The following B4GALT6 variants were observed in gnomAD, a reference collection of about 807,000 sequenced individuals.
The protein encoded by B4GALT6 is beta-1,4-galactosyltransferase 6.
B4GALT6 carries 14 observed loss-of-function variants against 46.3 expected under a neutral mutation model. The observed-to-expected ratio is 0.30, with a 90% CI of 0.20 to 0.47. The LOEUF (loss-of-function observed/expected upper bound fraction) is 0.47, where lower values mean the gene tolerates loss of function less well. Among genes scored for constraint, B4GALT6 ranks in the 20% least tolerant of loss-of-function variants. B4GALT6 has a pLI of 0.99. For missense variants in B4GALT6, 386 were observed against 480.1 expected (o/e 0.80, Z 1.83); for synonymous variants, 168 against 162.0 (o/e 1.04, Z -0.28).
Position 31,684,359 on chromosome 18 carries a change from G to A in B4GALT6, c.68C>T (p.Ser23Phe), listed in dbSNP as rs748057535. 1.2e-6 allele frequency: 2 copies of A among 1,613,758 alleles called. No homozygotes were observed. Among genetic ancestry groups the A allele is most frequent in the South Asian group, 2.2e-5 (2 of 91,056 alleles). ...RSLLAFIFFF[S>F]LSSSCLYFIY... is the part of the protein sequence containing the mutation. The stretch of plus-strand genomic sequence containing the variant: ...GAAGTACAGACAGGACGAAGAGAGG[G>A]AGAAGAAGAAGATGAAGGCGAGGAG... The change falls in exon 1 of 9, where the codon TCC becomes TTC. Residue 23 changes from serine (S) to phenylalanine (F), a missense_variant. Physicochemically the swap from Ser to Phe is radical, Grantham distance 155. Coordinates refer to ENST00000306851, the MANE Select transcript of B4GALT6 (RefSeq NM_004775.5).
intron 6 of B4GALT6, among the ~76,000 whole-genome samples, chr18:31,629,287 G>C (rs1197260740): frequency 6.6e-6 from 1 of 151,744 alleles, no homozygotes; most frequent in East Asian, 1.9e-4. Context: ...CGGTGGCTGG[G>C]GGAGGTGGTC....
chr18:31,649,720 C>CAATA (rs1269256147), intron 3 of B4GALT6, among the ~76,000 whole-genome samples: 1 of 151,762 alleles, frequency 6.6e-6, no homozygotes, highest in Non-Finnish European at 1.5e-5. Flanking sequence ...CATCAAATAC[C>CAATA]AATAGGAAAA....
chr18:31,662,468 G>C (rs959620812), intron 2 of B4GALT6, among the ~76,000 whole-genome samples: 9 of 152,122 alleles, frequency 5.9e-5, no homozygotes, highest in Non-Finnish European at 1.5e-5. Context: ...CAACATAGTA[G>C]GAACATACTA....
the B4GALT6 span, among the ~76,000 whole-genome samples, chr18:31,719,559 C>T: frequency 6.6e-6 from 1 of 152,150 alleles, no homozygotes; most frequent in Non-Finnish European, 1.5e-5. Flanking sequence ...CTAGACAGAG[C>T]CAATTTACCA....
chr18:31,693,337 T>C, the B4GALT6 span, among the ~76,000 whole-genome samples: 4 of 152,192 alleles, frequency 2.6e-5, no homozygotes, highest in African/African-American at 9.7e-5. Context: ...GAACATATGA[T>C]GGCACTCAGT....
intron 1 of B4GALT6, among the ~76,000 whole-genome samples, chr18:31,683,628 A>G (rs2074506912): frequency 6.6e-6 from 1 of 152,202 alleles, no homozygotes; most frequent in Non-Finnish European, 1.5e-5. Flanking sequence ...ACCGGTTAAC[A>G]TTTTAAACTA....
intron 1 of B4GALT6, among the ~76,000 whole-genome samples, chr18:31,679,303 A>G (rs1329576257): frequency 6.6e-6 from 1 of 152,200 alleles, no homozygotes; most frequent in Non-Finnish European, 1.5e-5. Flanking sequence ...AATATTGCCT[A>G]ATTTCCCACA....
chr18:31,640,772 C>T (rs1467419017), intron 4 of B4GALT6, among the ~76,000 whole-genome samples: 3 of 152,198 alleles, frequency 2.0e-5, no homozygotes, highest in Admixed American at 6.5e-5. Context: ...GCCAACTGTA[C>T]TGGAACTATA....
the B4GALT6 span, among the ~76,000 whole-genome samples, chr18:31,702,858 C>T: frequency 1.3e-5 from 2 of 152,054 alleles, no homozygotes; most frequent in African/African-American, 2.4e-5. Context: ...AAGGAAAGGT[C>T]AAGAGTGGAT....
chr18:31,686,514 T>C (rs1217818141), upstream of B4GALT6: 2 of 152,232 alleles, frequency 1.3e-5, no homozygotes, highest in African/African-American at 2.4e-5. Flanking sequence ...AGGTTCCTTA[T>C]ATCCCATTAG....
chr18:31,717,167 G>A, the B4GALT6 span, among the ~76,000 whole-genome samples: 1 of 151,940 alleles, frequency 6.6e-6, no homozygotes, highest in Non-Finnish European at 1.5e-5. Flanking sequence ...GCAAAAAATG[G>A]AAATAATCCA....
chr18:31,637,138 T>C (rs1377359908), intron 5 of B4GALT6, among the ~76,000 whole-genome samples: 1 of 152,256 alleles, frequency 6.6e-6, no homozygotes, highest in Non-Finnish European at 1.5e-5. Flanking sequence ...ATATTTACAC[T>C]TTATAGCCTT....
chr18:31,708,627 C>G, the B4GALT6 span, among the ~76,000 whole-genome samples: 1 of 151,828 alleles, frequency 6.6e-6, no homozygotes, highest in African/African-American at 2.4e-5. Flanking sequence ...ATATTGACAC[C>G]TGAAAATAGA....
At position 31,666,244 on chromosome 18, in the gene B4GALT6, A is replaced by C. The variant is rs9973109; in HGVS notation, c.232+12T>G. On this transcript the variant is annotated intron_variant, in intron 2 of 8. Coordinates refer to ENST00000306851, the MANE Select transcript of B4GALT6 (RefSeq NM_004775.5). ...TTGTAACTACAAGGGGTTAAGCAGG[A>C]AGTAGTCTTACCTGTACCGTTGAGC... The C allele has an allele frequency of 6.2e-3, 9,085 of 1,466,232 alleles. 21 individuals are homozygous for C. Among genetic ancestry groups the C allele is most frequent in the Non-Finnish European group, 7.9e-3 (8,377 of 1,064,142 alleles). The allele number at this position is 1,466,232 out of a possible 1,614,324, so 90.8% of individuals were successfully genotyped here. A position where few individuals can be genotyped will look rare whatever the true frequency, so the allele number is the denominator to read the frequency against.
chr18:31,628,210 A>G (rs2073727148), intron 6 of B4GALT6, among the ~76,000 whole-genome samples: 1 of 152,094 alleles, frequency 6.6e-6, no homozygotes, highest in South Asian at 2.1e-4. Flanking sequence ...CCTAAAGACA[A>G]CCATACTCTC....
chr18:31,638,372 A>G (rs2073887656), intron 5 of B4GALT6, among the ~76,000 whole-genome samples: 1 of 152,066 alleles, frequency 6.6e-6, no homozygotes, highest in African/African-American at 2.4e-5. Context: ...CTAAAAATAT[A>G]AAAAATTAGC....
At chr18:31,717,421 G>A in the B4GALT6 span, among the ~76,000 whole-genome samples, 1 of 152,118 alleles carries the variant, frequency 6.6e-6, no homozygotes, top group South Asian at 2.1e-4. Flanking sequence ...TTTGATTTGG[G>A]TGATGGCGAC....
At chr18:31,652,742 A>C (rs2074088131) in intron 3 of B4GALT6, among the ~76,000 whole-genome samples, 1 of 152,216 alleles carries the variant, frequency 6.6e-6, no homozygotes, top group African/African-American at 2.4e-5. Flanking sequence ...ACTGGTCGCC[A>C]CATCTGGCCA....
At chr18:31,667,554 G>C (rs1367127439) in intron 1 of B4GALT6, among the ~76,000 whole-genome samples, 1 of 152,150 alleles carries the variant, frequency 6.6e-6, no homozygotes, top group Non-Finnish European at 1.5e-5. Context: ...ATGTAAATGT[G>C]AACTTGCTCA....
Sources: allele counts gnomAD v4.1 joint callset (sites outside exome capture counted in the v4.1 genomes callset), GRCh38; gene constraint gnomAD v4.1.1; transcripts MANE v1.5; gene names NCBI Gene and HGNC (gene_info 2026-07-23, HGNC 2026-07-21).